CSMD1: variants seen among roughly 807,000 people sequenced by gnomAD.
CSMD1 encodes the protein CUB and sushi domain-containing protein 1.
In CSMD1, 213 loss-of-function variants were observed where a neutral mutation model predicts 417.5. That is an observed-to-expected ratio of 0.51 (90% CI 0.46 to 0.57). The LOEUF is 0.57. CSMD1 is among the 20% of genes least tolerant of loss of function. The pLI, the probability that CSMD1 is intolerant of heterozygous loss-of-function variation, is 0.00. For synonymous variants in CSMD1, 2,862 were observed against 1,736.8 expected (o/e 1.65, Z -16.11); for missense variants, 6,923 against 4,529.7 (o/e 1.53, Z -15.17).
chr8:4,988,023 G>A (rs568000131), intron 1 of CSMD1, among the ~76,000 whole-genome samples: 6 of 152,244 alleles, frequency 3.9e-5, no homozygotes, highest in East Asian at 1.9e-4. Flanking sequence ...CTGTGAGTCA[G>A]TACTACTTAA....
At chr8:4,699,545 C>T (rs1807374439) in intron 1 of CSMD1, among the ~76,000 whole-genome samples, 1 of 152,302 alleles carries the variant, frequency 6.6e-6, no homozygotes, top group South Asian at 2.1e-4. Context: ...GTCTTATTAA[C>T]TCTTCTGTGT....
rs935104723 is a variant in CSMD1, at chr8:4,649,877, A to G, written c.86-12319T>C. Reference sequence around the variant, plus strand: ...CAAATAAAAGAGGTTTGGAATTTCAATAATATTTGCAGGTGTATGACTGGG... The same window carrying G: ...CAAATAAAAGAGGTTTGGAATTTCAGTAATATTTGCAGGTGTATGACTGGG... On this transcript the variant is annotated intron_variant, in intron 1 of 69. Coordinates refer to ENST00000635120, the MANE Select transcript of CSMD1 (RefSeq NM_033225.6). 3.3e-5 allele frequency among the ~76,000 whole-genome samples: 5 copies of G among 152,212 alleles called. 1 individual carries two copies. The highest frequency in any genetic ancestry group is 9.6e-5 in the African/African-American group (4 of 41,456).
chr8:4,962,439 G>C (rs551954695), intron 1 of CSMD1, among the ~76,000 whole-genome samples: 51 of 152,198 alleles, frequency 3.4e-4, no homozygotes, highest in African/African-American at 1.2e-3. Context: ...TTGAACTACT[G>C]CCCTCAAAGG....
At chr8:3,505,885 T>A (rs1796802828) in intron 10 of CSMD1, among the ~76,000 whole-genome samples, 1 of 152,068 alleles carries the variant, frequency 6.6e-6, no homozygotes, top group East Asian at 1.9e-4. Context: ...TAAGATTAAT[T>A]TAAAAAACAG....
intron 26 of CSMD1, among the ~76,000 whole-genome samples, chr8:3,254,007 T>G (rs1318996889): frequency 6.6e-6 from 1 of 152,226 alleles, no homozygotes; most frequent in Admixed American, 6.5e-5. Flanking sequence ...TTGCAGTGGC[T>G]GGTACTAGTT....
chr8:3,883,310 T>A (rs28409443), intron 5 of CSMD1, among the ~76,000 whole-genome samples: 2,453 of 152,240 alleles, frequency 0.016, 73 homozygotes, highest in African/African-American at 0.055. Context: ...CTGAACGACA[T>A]AATATAATAC....
intron 3 of CSMD1, among the ~76,000 whole-genome samples, chr8:4,145,707 T>C (rs893309557): frequency 1.3e-5 from 2 of 150,980 alleles, no homozygotes; most frequent in Non-Finnish European, 2.9e-5. Flanking sequence ...CATTTCTTAA[T>C]GAAGAACATA....
Position 4,031,995 on chromosome 8 carries a change from C to T in CSMD1, c.520G>A (p.Gly174Ser), listed in dbSNP as rs1024271499. ...GDKIRYSCLP[G>S]YILEGHAILT... ...ATGGCGTGGCCTTCCAAGATGTAGCCAGGGAGGCAGCTGTACCGGATTTTG... is the reference window on the plus strand; with the variant it reads ...ATGGCGTGGCCTTCCAAGATGTAGCTAGGGAGGCAGCTGTACCGGATTTTG... The change falls in exon 4 of 70, where the codon GGC becomes AGC. Residue 174 changes from glycine to serine, a missense_variant. By Grantham distance (56) the Gly-to-Ser change is moderately conservative. Coordinates refer to ENST00000635120, the MANE Select transcript of CSMD1 (RefSeq NM_033225.6). 6.2e-6 allele frequency: 10 copies of T among 1,613,778 alleles called. No homozygotes were observed. Among genetic ancestry groups the T allele is most frequent in the Non-Finnish European group, 7.6e-6 (9 of 1,179,856 alleles).
chr8:4,071,832 G>A (rs1189448769), intron 3 of CSMD1, among the ~76,000 whole-genome samples: 1 of 152,044 alleles, frequency 6.6e-6, no homozygotes, highest in Non-Finnish European at 1.5e-5. Context: ...GTTGTGGGGG[G>A]GTGGTGTGCA....
intron 1 of CSMD1, among the ~76,000 whole-genome samples, chr8:4,812,741 A>G (rs1360808562): frequency 6.6e-6 from 1 of 152,304 alleles, no homozygotes; most frequent in African/African-American, 2.4e-5. Context: ...TTTCTTCACA[A>G]AGCATCTGGA....
intron 8 of CSMD1, among the ~76,000 whole-genome samples, chr8:3,594,742 A>G (rs1041624743): frequency 6.6e-6 from 1 of 152,298 alleles, no homozygotes; most frequent in African/African-American, 2.4e-5. Flanking sequence ...CACAAAGCAC[A>G]GAAGTATGGA....
chr8:3,051,044 TC>T (rs1455233451), intron 50 of CSMD1, among the ~76,000 whole-genome samples: 1 of 152,170 alleles, frequency 6.6e-6, no homozygotes, highest in Non-Finnish European at 1.5e-5. Context: ...TGTGGTGATT[TC>T]TCAAAGAACT....
chr8:3,024,319 G>A (rs1418267630), intron 51 of CSMD1, among the ~76,000 whole-genome samples: 4 of 151,204 alleles, frequency 2.6e-5, no homozygotes, highest in Non-Finnish European at 4.4e-5. Context: ...CAGTGGGGGA[G>A]GTTGGGGACA....
chr8:3,600,139 A>G (rs942950277), intron 8 of CSMD1, among the ~76,000 whole-genome samples: 1 of 152,200 alleles, frequency 6.6e-6, no homozygotes, highest in African/African-American at 2.4e-5. Context: ...ACACACACAC[A>G]TAACTGCAGG....
rs902583994 is a variant in CSMD1 at position 4,753,856 on chromosome 8, G to C, written c.86-116298C>G. On this transcript the variant is annotated intron_variant, in intron 1 of 69. Coordinates refer to ENST00000635120, the MANE Select transcript of CSMD1 (RefSeq NM_033225.6). ...ATTTCGCACTGTGATAATTGAACTAGATTCCTTTACTTCTTCTAAGCTAGA... is the reference window on the plus strand; with the variant it reads ...ATTTCGCACTGTGATAATTGAACTACATTCCTTTACTTCTTCTAAGCTAGA... Among the ~76,000 whole-genome samples, 8 of 152,244 alleles carry C rather than the reference G, an allele frequency of 5.3e-5. No individual in the cohort carries two copies. The East Asian group carries it at 7.7e-4, about 15-fold the overall frequency.
At chr8:4,038,789 G>A (rs752598926) in intron 3 of CSMD1, among the ~76,000 whole-genome samples, 17 of 152,204 alleles carry the variant, frequency 1.1e-4, no homozygotes, top group Non-Finnish European at 2.1e-4. Flanking sequence ...AGAGCTCTGG[G>A]CACAGTTGTT....
intron 1 of CSMD1, among the ~76,000 whole-genome samples, chr8:4,745,186 C>T (rs961110156): frequency 6.6e-6 from 1 of 151,990 alleles, no homozygotes; most frequent in African/African-American, 2.4e-5. Flanking sequence ...ATCAATGAAA[C>T]CTTAATTTTG....
At position 4,209,488 on chromosome 8, in the gene CSMD1, T is replaced by C. The variant is rs2131281734; in HGVS notation, c.416-177389A>G. 3.9e-5 allele frequency among the ~76,000 whole-genome samples: 6 copies of C among 152,292 alleles called. No homozygotes were observed. In the South Asian group the frequency reaches 1.2e-3, roughly 32 times the overall value. On this transcript the variant is annotated intron_variant, in intron 3 of 69. Transcript: ENST00000635120. The stretch of plus-strand genomic sequence containing the variant: ...TCTGCTAGTTCCCGAACACTTCCCT[T>C]AACCTCACTCCCATGGCCCCTCCTC...
intron 1 of CSMD1, among the ~76,000 whole-genome samples, chr8:4,688,695 G>A (rs1806564745): frequency 6.6e-6 from 1 of 152,080 alleles, no homozygotes; most frequent in African/African-American, 2.4e-5. Context: ...TTTCATATGA[G>A]ATTCGTGTAG....
Sources: allele counts gnomAD v4.1 joint callset (sites outside exome capture counted in the v4.1 genomes callset), GRCh38; gene constraint gnomAD v4.1.1; transcripts MANE v1.5; gene names NCBI Gene and HGNC (gene_info 2026-07-23, HGNC 2026-07-21).